The following KAT6A variants were observed in gnomAD, a reference collection of about 807,000 sequenced individuals.
KAT6A encodes the protein lysine acetyltransferase 6A, also known as histone acetyltransferase KAT6A.
In KAT6A, 9 loss-of-function variants were observed where a neutral mutation model predicts 198.4. The ratio of observed to expected loss-of-function variants is 0.05; its 90% CI spans 0.03 to 0.08. The LOEUF is 0.08. Ranked by LOEUF, KAT6A falls within the 10% of genes least tolerant of loss-of-function variation. The pLI, the probability that KAT6A is intolerant of heterozygous loss-of-function variation, is 1.00. For missense variants in KAT6A, 2,077 were observed against 2,509.9 expected (o/e 0.83, Z 3.69); for synonymous variants, 890 against 883.0 (o/e 1.01, Z -0.14).
intron 3 of KAT6A, among the ~76,000 whole-genome samples, chr8:41,985,713 C>G (rs1415283547): frequency 6.6e-6 from 1 of 152,150 alleles, no homozygotes; most frequent in Non-Finnish European, 1.5e-5. Context: ...CAGAGTCAGT[C>G]CTTAAAGCCC....
chr8:41,965,126 T>A (rs1204872398), intron 8 of KAT6A, among the ~76,000 whole-genome samples: 1 of 152,232 alleles, frequency 6.6e-6, no homozygotes, highest in African/African-American at 2.4e-5. Flanking sequence ...AGGCAGTCCT[T>A]GTTTTTGATG....
chr8:42,030,132 A>G (rs1030854233), intron 2 of KAT6A, among the ~76,000 whole-genome samples: 1 of 152,162 alleles, frequency 6.6e-6, no homozygotes, highest in Non-Finnish European at 1.5e-5. Context: ...GACTGTCAAA[A>G]TGGCACCCTG....
intron 8 of KAT6A, among the ~76,000 whole-genome samples, chr8:41,971,515 C>T (rs760568248): frequency 6.6e-6 from 1 of 151,796 alleles, no homozygotes; most frequent in South Asian, 2.1e-4. Flanking sequence ...GAAGAGGAGG[C>T]GGCTGTGGCT....
At chr8:41,995,674 CTTT>C (rs10710765) in intron 2 of KAT6A, among the ~76,000 whole-genome samples, 8 of 103,076 alleles carry the variant, frequency 7.8e-5, no homozygotes, top group East Asian at 2.7e-4. Flanking sequence ...ATTTTCATTT[CTTT>C]TTTTTTTTTT....
chr8:42,037,281 G>GA (rs1292541795), intron 2 of KAT6A, among the ~76,000 whole-genome samples: 14 of 152,062 alleles, frequency 9.2e-5, no homozygotes, highest in Admixed American at 7.2e-4. Flanking sequence ...GAGTGGCATG[G>GA]AAAAAAGTAA....
rs759107686 is a variant in KAT6A, at chr8:41,933,171, C to A, written c.5049G>T (p.Pro1683=). 3.8e-6 allele frequency: 6 copies of A among 1,591,982 alleles called. No individual in the cohort carries two copies. The East Asian group carries it at 6.7e-5, about 18-fold the overall frequency. The change falls in exon 17 of 17, where the codon CCG becomes CCT. Residue 1683 remains proline (P), a synonymous_variant. Coordinates refer to ENST00000265713, the MANE Select transcript of KAT6A (RefSeq NM_006766.5). The surrounding 1 kb of genome is among the most constrained non-coding windows in gnomAD (Gnocchi z 6.2). ...PPPQQQPQQQ[P]QPQPQQPPPP... Reference sequence around the variant, plus strand: ...GTGGAGGCTGCTGGGGCTGAGGCTGCGGCTGCTGTTGCGGCTGCTGCTGGG... The same window carrying A: ...GTGGAGGCTGCTGGGGCTGAGGCTGAGGCTGCTGTTGCGGCTGCTGCTGGG...
At chr8:41,984,554 A>G (rs1824512155) in intron 3 of KAT6A, among the ~76,000 whole-genome samples, 1 of 152,202 alleles carries the variant, frequency 6.6e-6, no homozygotes, top group Non-Finnish European at 1.5e-5. Context: ...AGCAACTCCC[A>G]AATTCCTGAC....
At chr8:41,977,774 T>C (rs1275886990) in intron 6 of KAT6A, among the ~76,000 whole-genome samples, 2 of 152,180 alleles carry the variant, frequency 1.3e-5, no homozygotes, top group Admixed American at 6.5e-5. Context: ...TGGGTTATTC[T>C]TCGAAGGCCA....
chr8:41,966,542 T>C (rs1379222396), intron 8 of KAT6A, among the ~76,000 whole-genome samples: 9 of 152,114 alleles, frequency 5.9e-5, no homozygotes, highest in African/African-American at 2.2e-4. Context: ...GAAGTTAATG[T>C]TGTTTACTCC....
intron 2 of KAT6A, among the ~76,000 whole-genome samples, chr8:42,035,239 T>C (rs546175886): frequency 2.7e-4 from 41 of 152,340 alleles, no homozygotes; most frequent in African/African-American, 7.9e-4. Context: ...AAAGTTTCCA[T>C]TTTAAGCATC....
rs555494251 is a variant in KAT6A, at chr8:41,950,049, A to G, written c.1599-686T>C. Among the ~76,000 whole-genome samples the G allele has an allele frequency of 2.0e-5, 3 of 152,342 alleles. No homozygotes were observed. In the East Asian group the frequency reaches 5.8e-4, roughly 29 times the overall value. On this transcript the variant is annotated intron_variant, in intron 9 of 16. Transcript: ENST00000265713. The stretch of plus-strand genomic sequence containing the variant: ...AAAATCTCTCATGTTAGCCACACCA[A>G]TACAACTTGTAATTATATTATTAGT...
In KAT6A at chr8:41,943,913, C is replaced by T. The variant is rs368565180; in HGVS notation, c.2063G>A (p.Arg688His). 6.2e-6 allele frequency: 10 copies of T among 1,613,828 alleles called. No individual in the cohort carries two copies. Among genetic ancestry groups the T allele is most frequent in the South Asian group, 1.1e-5 (1 of 91,082 alleles). Reference protein sequence around the residue: ...SPEKPLSDLGRLSYMAYWKSV... With the variant: ...SPEKPLSDLGHLSYMAYWKSV... ...TTTCCAATATGCCATGTAGGAAAGA[C>T]GACCCAGATCAGATAACGGTTTCTC... Residue 688 changes from arginine (R) to histidine (H), a missense_variant, in exon 13 of 17, where the codon CGT becomes CAT. Around this residue, in one of 13 missense-constraint regions of KAT6A, gnomAD observed 127 missense variants for 209.6 expected, o/e 0.61. Coordinates refer to ENST00000265713, the MANE Select transcript of KAT6A (RefSeq NM_006766.5).
At chr8:41,998,500 CCTTT>C (rs1172404231) in intron 2 of KAT6A, among the ~76,000 whole-genome samples, 8 of 152,210 alleles carry the variant, frequency 5.3e-5, no homozygotes, top group African/African-American at 1.9e-4. Context: ...CTGACCAAAT[CCTTT>C]CTGACAGTTT....
intron 2 of KAT6A, among the ~76,000 whole-genome samples, chr8:42,007,987 A>T (rs920584532): frequency 9.0e-4 from 112 of 124,350 alleles, no homozygotes; most frequent in Non-Finnish European, 1.5e-3. Context: ...AAAAAAAAAA[A>T]TTTTTATTGT....
intron 3 of KAT6A, among the ~76,000 whole-genome samples, chr8:41,983,744 C>T (rs543586381): frequency 6.6e-6 from 1 of 152,288 alleles, no homozygotes; most frequent in East Asian, 1.9e-4. Context: ...TATGCAGTGC[C>T]ACCAGCAAAA....
At chr8:42,046,853 C>A (rs1802335208) in intron 2 of KAT6A, among the ~76,000 whole-genome samples, 1 of 152,162 alleles carries the variant, frequency 6.6e-6, no homozygotes, top group Non-Finnish European at 1.5e-5. Flanking sequence ...GATTCTCTAT[C>A]AATTCATGAC....
chr8:42,008,053 C>T (rs568237020), intron 2 of KAT6A, among the ~76,000 whole-genome samples: 3 of 150,824 alleles, frequency 2.0e-5, no homozygotes, highest in African/African-American at 4.9e-5. Context: ...TATCTCATTA[C>T]TTCATTTTAT....
At chr8:41,995,868 G>A (rs1010783014) in intron 2 of KAT6A, among the ~76,000 whole-genome samples, 3 of 151,814 alleles carry the variant, frequency 2.0e-5, no homozygotes, top group Non-Finnish European at 2.9e-5. Context: ...TGAGACGGGG[G>A]TTTCACTAGG....
chr8:41,983,875 G>A (rs1564041328), intron 3 of KAT6A, among the ~76,000 whole-genome samples: 1 of 152,168 alleles, frequency 6.6e-6, no homozygotes, highest in South Asian at 2.1e-4. Context: ...ATTACTACTT[G>A]AGTAAAACAC....
Sources: allele counts gnomAD v4.1 joint callset (sites outside exome capture counted in the v4.1 genomes callset), GRCh38; gene constraint gnomAD v4.1.1; regional missense constraint gnomAD v4.1.1; non-coding constraint Gnocchi (gnomAD v3.1); transcripts MANE v1.5; gene names NCBI Gene and HGNC (gene_info 2026-07-23, HGNC 2026-07-21).